Variants in LGR5 observed in about 807,000 individuals in gnomAD.
LGR5 encodes leucine-rich repeat-containing G protein-coupled receptor 5.
Under a neutral mutation model 76.7 loss-of-function variants are expected in LGR5, and 54 were observed. That is an observed-to-expected ratio of 0.70 (90% CI 0.57 to 0.88). The LOEUF (loss-of-function observed/expected upper bound fraction) is 0.88. LGR5 is among the 40% of genes least tolerant of loss of function. The pLI is 0.00. For missense variants in LGR5, 1,078 were observed against 1,073.3 expected, an observed-to-expected ratio of 1.00 and a Z score of -0.06; for synonymous variants, 406 against 421.9, an observed-to-expected ratio of 0.96 and a Z score of 0.46.
intron 1 of LGR5, among the ~76,000 whole-genome samples, chr12:71,463,414 T>C (rs927980223): frequency 6.6e-5 from 10 of 152,200 alleles, no homozygotes; most frequent in African/African-American, 2.4e-4. Context: ...GTTGAGATCT[T>C]AGCTTTGTCA....
intron 3 of LGR5, among the ~76,000 whole-genome samples, chr12:71,531,020 G>T (rs1450481798): frequency 6.6e-6 from 1 of 151,666 alleles, no homozygotes; most frequent in African/African-American, 2.4e-5. Context: ...AAAAGTGGGG[G>T]AGGGACCAAA....
chr12:71,506,387 C>T (rs971426861), intron 2 of LGR5, among the ~76,000 whole-genome samples: 6 of 152,058 alleles, frequency 3.9e-5, no homozygotes, highest in Non-Finnish European at 8.8e-5. Context: ...TAATAGATTT[C>T]CTCCCTCAGT....
At chr12:71,499,541 A>G (rs963988078) in intron 1 of LGR5, among the ~76,000 whole-genome samples, 8 of 152,162 alleles carry the variant, frequency 5.3e-5, no homozygotes, top group African/African-American at 1.7e-4. Flanking sequence ...CAGATTGTGA[A>G]GAGCCTAAGG....
intron 1 of LGR5, among the ~76,000 whole-genome samples, chr12:71,485,171 A>G (rs1873773452): frequency 6.6e-6 from 1 of 152,200 alleles, no homozygotes; most frequent in Admixed American, 6.5e-5. Context: ...GGGAAAGTCT[A>G]TGTTATTATA....
intron 2 of LGR5, among the ~76,000 whole-genome samples, chr12:71,516,056 A>G (rs1024659568): frequency 6.6e-6 from 1 of 152,170 alleles, no homozygotes; most frequent in Non-Finnish European, 1.5e-5. Flanking sequence ...GCTTTTTACA[A>G]TGTTAATGAC....
At chr12:71,474,283 G>A (rs560149609) in intron 1 of LGR5, among the ~76,000 whole-genome samples, 69 of 152,210 alleles carry the variant, frequency 4.5e-4, no homozygotes, top group Non-Finnish European at 9.3e-4. Flanking sequence ...CATTTGGTGT[G>A]TTAACAAGGA....
chr12:71,538,301 C>A (rs550879126), intron 4 of LGR5, among the ~76,000 whole-genome samples: 2 of 151,936 alleles, frequency 1.3e-5, no homozygotes, highest in African/African-American at 4.8e-5. Context: ...TCACTTGAAC[C>A]CAGGAGTTTG....
intron 4 of LGR5, among the ~76,000 whole-genome samples, chr12:71,551,413 G>C (rs1877477530): frequency 6.6e-6 from 1 of 152,162 alleles, no homozygotes; most frequent in African/African-American, 2.4e-5. Flanking sequence ...AGTCTTAAAT[G>C]CTTCCAAAAA....
At chr12:71,506,226 C>T (rs1249158204) in intron 2 of LGR5, among the ~76,000 whole-genome samples, 1 of 152,074 alleles carries the variant, frequency 6.6e-6, no homozygotes, top group African/African-American at 2.4e-5. Context: ...TGTTTACCCC[C>T]ATATTTCTAA....
At chr12:71,473,319 ATCTTT>A (rs1323606952) in intron 1 of LGR5, among the ~76,000 whole-genome samples, 1 of 152,108 alleles carries the variant, frequency 6.6e-6, no homozygotes, top group Non-Finnish European at 1.5e-5. Flanking sequence ...ATAAATTATC[ATCTTT>A]TCAACACTTA....
At chr12:71,501,480 T>C (rs1874601340) in intron 1 of LGR5, among the ~76,000 whole-genome samples, 1 of 152,118 alleles carries the variant, frequency 6.6e-6, no homozygotes, top group East Asian at 1.9e-4. Context: ...AGCCAAACAT[T>C]CTCTAATTCT....
intron 3 of LGR5, among the ~76,000 whole-genome samples, chr12:71,524,722 T>A (rs905356387): frequency 6.6e-5 from 10 of 152,214 alleles, no homozygotes; most frequent in Admixed American, 6.5e-4. Flanking sequence ...AATAACTACC[T>A]TATCAACTCA....
intron 1 of LGR5, among the ~76,000 whole-genome samples, chr12:71,455,426 A>G (rs891091521): frequency 6.6e-6 from 1 of 152,148 alleles, no homozygotes; most frequent in Non-Finnish European, 1.5e-5. Flanking sequence ...AGGTTTCCAC[A>G]CACCCACACC....
At chr12:71,545,019 C>A (rs1877082303) in intron 4 of LGR5, among the ~76,000 whole-genome samples, 1 of 152,100 alleles carries the variant, frequency 6.6e-6, no homozygotes. Flanking sequence ...CACCTGTAAA[C>A]CCAGCACTTT....
chr12:71,495,146 T>C (rs545421404), intron 1 of LGR5, among the ~76,000 whole-genome samples: 1 of 151,014 alleles, frequency 6.6e-6, no homozygotes, highest in Non-Finnish European at 1.5e-5. Flanking sequence ...ACAGCAAAAT[T>C]TTAGAGTTTA....
intron 1 of LGR5, among the ~76,000 whole-genome samples, chr12:71,487,775 G>A (rs893075271): frequency 3.3e-5 from 5 of 152,176 alleles, no homozygotes; most frequent in African/African-American, 1.2e-4. Context: ...ATACATAGGG[G>A]TCCAGTCTTC....
intron 3 of LGR5, among the ~76,000 whole-genome samples, chr12:71,533,976 C>T (rs768060615): frequency 4.6e-5 from 7 of 152,188 alleles, no homozygotes; most frequent in African/African-American, 1.7e-4. Context: ...GTTAGACACA[C>T]CTGGGTGGAA....
rs767945108 is a variant in LGR5 at position 71,584,701 on chromosome 12, T to A, written c.2691T>A (p.His897Gln). 6.2e-7 allele frequency: 1 copy of A among 1,612,846 alleles called. No individual in the cohort carries two copies. The highest frequency in any genetic ancestry group is 8.5e-7 in the Non-Finnish European group (1 of 1,178,900). The part of the protein sequence containing the change: ...SPAYPVTESC[H>Q]LSSVAFVPCL ...CTTATCCAGTGACTGAGAGCTGCCA[T>A]CTTTCCTCTGTGGCATTTGTCCCAT... The change falls in exon 18 of 18, where the codon CAT becomes CAA. Residue 897 changes from histidine to glutamine, a missense_variant. Transcript: ENST00000266674.
intron 4 of LGR5, among the ~76,000 whole-genome samples, chr12:71,544,678 AT>A (rs989667988): frequency 2.0e-5 from 3 of 152,114 alleles, no homozygotes; most frequent in Non-Finnish European, 2.9e-5. Context: ...TCTGTGACAA[AT>A]TTAGCTCCAA....
Sources: allele counts gnomAD v4.1 joint callset (sites outside exome capture counted in the v4.1 genomes callset), GRCh38; gene constraint gnomAD v4.1.1; transcripts MANE v1.5; gene names NCBI Gene and HGNC (gene_info 2026-07-23, HGNC 2026-07-21).